Variants in COL28A1 observed in about 807,000 individuals in gnomAD.
The protein encoded by COL28A1 is collagen alpha-1(XXVIII) chain.
In COL28A1, 161 loss-of-function variants were observed where a neutral mutation model predicts 150.2. The ratio of observed to expected loss-of-function variants is 1.07; its 90% confidence interval spans 0.94 to 1.22. The LOEUF (loss-of-function observed/expected upper bound fraction) is 1.22, where lower values mean the gene tolerates loss of function less well. Ranked by LOEUF, COL28A1 falls within the 50% of genes most tolerant of loss-of-function variation. The pLI is 0.00. For missense variants in COL28A1, 1,617 were observed against 1,388.3 expected, an observed-to-expected ratio of 1.16 and a Z score of -2.62; for synonymous variants, 552 against 469.7, an observed-to-expected ratio of 1.18 and a Z score of -2.26.
At chr7:7,482,322 C>A (rs1210119433) in intron 13 of COL28A1, among the ~76,000 whole-genome samples, 1 of 151,974 alleles carries the variant, frequency 6.6e-6, no homozygotes, top group African/African-American at 2.4e-5. Context: ...GTCAGGAGTT[C>A]GAGATCAGCC....
downstream of COL28A1, among the ~76,000 whole-genome samples, chr7:7,351,210 C>T (rs1027822531): frequency 3.2e-4 from 48 of 152,108 alleles, no homozygotes; most frequent in Admixed American, 2.8e-3. Context: ...CCAGAGGGCA[C>T]GCTCAGAATT....
At chr7:7,388,066 GGTTT>G (rs1471274028) in intron 27 of COL28A1, among the ~76,000 whole-genome samples, 5 of 151,614 alleles carry the variant, frequency 3.3e-5, no homozygotes, top group African/African-American at 9.7e-5. Flanking sequence ...TGCAGAACAT[GGTTT>G]GTTACATAGG....
chr7:7,508,840 T>G (rs1780968209), intron 9 of COL28A1, among the ~76,000 whole-genome samples: 1 of 151,948 alleles, frequency 6.6e-6, no homozygotes, highest in Non-Finnish European at 1.5e-5. Context: ...TTGTTGGTTT[T>G]GTTTTGTTTT....
At chr7:7,383,270 GTGTGTGTGTGTGTGTGTGTTTT>G (rs1311235839) in intron 27 of COL28A1, among the ~76,000 whole-genome samples, 2 of 138,832 alleles carry the variant, frequency 1.4e-5, no homozygotes, top group East Asian at 4.4e-4. Context: ...GTGTGTGTGT[GTGTGTGTGTGTGTGTGTGTTTT>G]TTTTGAGACA....
chr7:7,351,347 G>A (rs945286149), downstream of COL28A1, among the ~76,000 whole-genome samples: 1 of 152,190 alleles, frequency 6.6e-6, no homozygotes, highest in Non-Finnish European at 1.5e-5. Context: ...CAAGGTCAGA[G>A]TAGGAGGCCA....
rs139029654 is a variant in COL28A1 at position 7,425,104 on chromosome 7, G to C, written c.1999-5151C>G. On this transcript the variant is annotated intron_variant, in intron 25 of 34. Transcript: ENST00000399429. The stretch of plus-strand genomic sequence containing the variant: ...AATAAATAAAAATAATACTTATTAA[G>C]TTTATTATGCAGCAGGAAGTTTTCA... Among the ~76,000 whole-genome samples the C allele has an allele frequency of 1.3e-3, 193 of 152,006 alleles. 1 individual carries two copies. The highest frequency in any genetic ancestry group is 4.3e-3 in the African/African-American group (180 of 41,392).
intron 32 of COL28A1, among the ~76,000 whole-genome samples, chr7:7,371,468 G>T (rs953953197): frequency 3.3e-5 from 5 of 152,198 alleles, no homozygotes; most frequent in African/African-American, 4.8e-5. Flanking sequence ...TCTGAGAATG[G>T]TATGCTTTCC....
intron 3 of COL28A1, among the ~76,000 whole-genome samples, chr7:7,528,419 T>C (rs1487289528): frequency 6.6e-6 from 1 of 152,186 alleles, no homozygotes; most frequent in Non-Finnish European, 1.5e-5. Flanking sequence ...AGAACTAAAA[T>C]GTTTCTATGG....
At chr7:7,481,141 G>A (rs1789355995) in intron 13 of COL28A1, among the ~76,000 whole-genome samples, 2 of 152,172 alleles carry the variant, frequency 1.3e-5, no homozygotes. Flanking sequence ...TAAAAAGCAT[G>A]CTGCACTGAA....
At chr7:7,504,249 C>G (rs1361541518) in intron 11 of COL28A1, among the ~76,000 whole-genome samples, 1 of 152,078 alleles carries the variant, frequency 6.6e-6, no homozygotes, top group Non-Finnish European at 1.5e-5. Flanking sequence ...GTAGTCTCAA[C>G]TCTTTGGGAG....
intron 15 of COL28A1, among the ~76,000 whole-genome samples, chr7:7,457,251 T>A (rs1787242362): frequency 6.6e-6 from 1 of 152,092 alleles, no homozygotes; most frequent in East Asian, 1.9e-4. Flanking sequence ...CTGGAAGCTG[T>A]ATGGAGAACA....
intron 16 of COL28A1, among the ~76,000 whole-genome samples, chr7:7,455,672 G>C: frequency 6.6e-6 from 1 of 152,150 alleles, no homozygotes; most frequent in South Asian, 2.1e-4. Flanking sequence ...TCCATTGGGA[G>C]AGAGTGGGAT....
At chr7:7,430,428 G>GT (rs1447980815) in intron 25 of COL28A1, among the ~76,000 whole-genome samples, 2 of 152,038 alleles carry the variant, frequency 1.3e-5, no homozygotes, top group African/African-American at 2.4e-5. Context: ...CACCTGGCTA[G>GT]TTTTTTAAGT....
At chr7:7,540,498 G>A (rs1205842889), upstream of COL28A1, among the ~76,000 whole-genome samples, 2 of 152,094 alleles carry the variant, frequency 1.3e-5, no homozygotes, top group East Asian at 3.9e-4. Flanking sequence ...ATAAAATAGA[G>A]GACAGATATT....
At chr7:7,346,710 T>C in the COL28A1 span, among the ~76,000 whole-genome samples, 1 of 152,070 alleles carries the variant, frequency 6.6e-6, no homozygotes, top group Non-Finnish European at 1.5e-5. Flanking sequence ...TTCATTCATT[T>C]TGGAAACTCA....
chr7:7,511,903 T>C (rs1218605759), intron 8 of COL28A1: 1 of 415,728 alleles, frequency 2.4e-6, no homozygotes, highest in East Asian at 7.7e-5. Flanking sequence ...TTATCATAAA[T>C]ATTTTATCTT....
rs556336254 is a variant in COL28A1 at position 7,456,478 on chromosome 7, G to C, written c.1303-366C>G. ...ATAGGATATAATAAAAATAGAATGAGAGATAAATTGAAGAAAAATATTTTT... is the reference window on the plus strand; with the variant it reads ...ATAGGATATAATAAAAATAGAATGACAGATAAATTGAAGAAAAATATTTTT... On this transcript the variant is annotated intron_variant, in intron 15 of 34. Coordinates refer to ENST00000399429, the MANE Select transcript of COL28A1 (RefSeq NM_001037763.3). Among the ~76,000 whole-genome samples the C allele has an allele frequency of 2.0e-5, 3 of 152,262 alleles. No individual in the cohort carries two copies. In the South Asian group the frequency reaches 6.2e-4, roughly 32 times the overall value.
At chr7:7,442,233 C>T (rs1022560312) in intron 20 of COL28A1, among the ~76,000 whole-genome samples, 4 of 152,164 alleles carry the variant, frequency 2.6e-5, no homozygotes, top group Non-Finnish European at 5.9e-5. Flanking sequence ...TTGCTTTCAT[C>T]TTGAAATCCT....
upstream of COL28A1, among the ~76,000 whole-genome samples, chr7:7,539,207 G>T (rs1782744688): frequency 6.6e-6 from 1 of 152,174 alleles, no homozygotes; most frequent in South Asian, 2.1e-4. Context: ...GGTTTATTTG[G>T]CTTACAATTC....
Sources: allele counts gnomAD v4.1 joint callset (sites outside exome capture counted in the v4.1 genomes callset), GRCh38; gene constraint gnomAD v4.1.1; transcripts MANE v1.5; gene names NCBI Gene and HGNC (gene_info 2026-07-23, HGNC 2026-07-21).